WWOX: variants seen among roughly 807,000 people sequenced by gnomAD.
WWOX encodes the protein WW domain containing oxidoreductase.
WWOX carries 69 observed loss-of-function variants against 46.2 expected under a neutral mutation model. The ratio of observed to expected loss-of-function variants is 1.49; its 90% CI spans 1.23 to 1.82. The LOEUF (loss-of-function observed/expected upper bound fraction) is 1.82, where lower values mean the gene tolerates loss of function less well. Among genes scored for constraint, WWOX ranks in the 40% most tolerant of loss-of-function variants. WWOX has a pLI of 0.00. For missense variants in WWOX, 919 were observed against 542.6 expected, an observed-to-expected ratio of 1.69 and a Z score of -6.89; for synonymous variants, 359 against 202.6, an observed-to-expected ratio of 1.77 and a Z score of -6.56.
intron 8 of WWOX, among the ~76,000 whole-genome samples, chr16:78,929,009 C>T (rs1166394553): frequency 1.3e-5 from 2 of 152,160 alleles, no homozygotes; most frequent in African/African-American, 2.4e-5. Context: ...ATATAATATA[C>T]GTTCACATAT....
At chr16:78,878,584 G>A (rs149772015) in intron 8 of WWOX, among the ~76,000 whole-genome samples, 24 of 152,126 alleles carry the variant, frequency 1.6e-4, no homozygotes, top group African/African-American at 5.6e-4. Flanking sequence ...ATTTTACAGG[G>A]TTGCTATGAG....
At chr16:78,755,629 C>T (rs2049625224) in intron 8 of WWOX, among the ~76,000 whole-genome samples, 1 of 152,178 alleles carries the variant, frequency 6.6e-6, no homozygotes, top group Non-Finnish European at 1.5e-5. Context: ...TGATTTGTCA[C>T]CTGGAGGAAC....
At chr16:78,382,647 C>T (rs1485454661) in intron 5 of WWOX, among the ~76,000 whole-genome samples, 3 of 152,070 alleles carry the variant, frequency 2.0e-5, no homozygotes, top group Admixed American at 1.3e-4. Context: ...CTGAACGAGG[C>T]CTGAACTTTT....
At chr16:78,709,408 G>A (rs1017812355) in intron 8 of WWOX, among the ~76,000 whole-genome samples, 6 of 150,832 alleles carry the variant, frequency 4.0e-5, no homozygotes, top group African/African-American at 7.4e-5. Flanking sequence ...CCTGGGTAGC[G>A]GGCCCAGCCT....
At chr16:78,434,055 C>A (rs1435982269) in intron 8 of WWOX, among the ~76,000 whole-genome samples, 1 of 152,146 alleles carries the variant, frequency 6.6e-6, no homozygotes, top group African/African-American at 2.4e-5. Context: ...TCCCAAAGTG[C>A]TGGGATTACA....
chr16:79,208,529 A>G (rs1259109125), intron 8 of WWOX, among the ~76,000 whole-genome samples: 2 of 152,176 alleles, frequency 1.3e-5, no homozygotes, highest in African/African-American at 2.4e-5. Context: ...TGTTAACATT[A>G]TTTCCTTTAG....
chr16:78,425,193 T>G, intron 7 of WWOX, 138 bp downstream of exon 7: 2 of 1,170,328 alleles, frequency 1.7e-6, no homozygotes, highest in Non-Finnish European at 2.5e-6. Flanking sequence ...CTCACTTAAT[T>G]TTTCCAGGTC....
chr16:79,090,788 G>GT (rs2048944240), intron 8 of WWOX, among the ~76,000 whole-genome samples: 1 of 152,162 alleles, frequency 6.6e-6, no homozygotes, highest in South Asian at 2.1e-4. Context: ...TGCCTTGTTG[G>GT]TTTTTAGAAA....
chr16:78,830,515 C>T (rs1391339610), intron 8 of WWOX, among the ~76,000 whole-genome samples: 2 of 151,954 alleles, frequency 1.3e-5, no homozygotes, highest in African/African-American at 4.8e-5. Flanking sequence ...ACAAATTACC[C>T]ATTACCAGGG....
intron 5 of WWOX, among the ~76,000 whole-genome samples, chr16:78,386,312 G>C (rs1462733133): frequency 6.6e-6 from 1 of 152,104 alleles, no homozygotes; most frequent in Non-Finnish European, 1.5e-5. Flanking sequence ...AGTTTTCTGG[G>C]TTTACTAAGC....
chr16:78,865,460 C>T (rs140678746), intron 8 of WWOX, among the ~76,000 whole-genome samples: 1 of 152,166 alleles, frequency 6.6e-6, no homozygotes, highest in Non-Finnish European at 1.5e-5. Context: ...CTTGCTGAGG[C>T]TTTTGACAAT....
intron 8 of WWOX, among the ~76,000 whole-genome samples, chr16:79,024,573 A>G (rs1041008211): frequency 1.2e-4 from 18 of 152,080 alleles, no homozygotes; most frequent in African/African-American, 4.3e-4. Context: ...AGCTGGGACT[A>G]CAGGCACCCA....
chr16:78,707,196 C>T (rs746002801), intron 8 of WWOX, among the ~76,000 whole-genome samples: 1 of 152,138 alleles, frequency 6.6e-6, no homozygotes, highest in South Asian at 2.1e-4. Context: ...TCTTTTACCA[C>T]CCCTTACTCC....
At chr16:78,120,631 G>A (rs1050180477) in intron 4 of WWOX, among the ~76,000 whole-genome samples, 1 of 151,880 alleles carries the variant, frequency 6.6e-6, no homozygotes, top group African/African-American at 2.4e-5. Context: ...ATTATAGTGT[G>A]ATGTTGAAAT....
chr16:78,529,882 G>C (rs2043579208), intron 8 of WWOX, among the ~76,000 whole-genome samples: 1 of 152,190 alleles, frequency 6.6e-6, no homozygotes, highest in South Asian at 2.1e-4. Flanking sequence ...AAAAATAACA[G>C]GTAATGCTAA....
chr16:78,824,157 G>A lies in WWOX; in HGVS notation c.1057-387451G>A, dbSNP rs115820616. 6.9e-3 allele frequency among the ~76,000 whole-genome samples: 1,048 copies of A among 152,078 alleles called. 10 individuals are homozygous for A. The highest frequency in any genetic ancestry group is 0.024 in the African/African-American group (999 of 41,486). On this transcript the variant is annotated intron_variant, in intron 8 of 8. Coordinates refer to ENST00000566780, the MANE Select transcript of WWOX (RefSeq NM_016373.4). ...TTTAAAAATCTATTTGATTTTAAAC[G>A]ATCTTTAGAAATATATGAAGGTTAA...
chr16:78,390,852 G>A (rs746383477), intron 6 of WWOX, among the ~76,000 whole-genome samples: 6 of 152,190 alleles, frequency 3.9e-5, no homozygotes, highest in Non-Finnish European at 5.9e-5. Context: ...TCACGCTGTT[G>A]CATTGAGGAG....
intron 8 of WWOX, among the ~76,000 whole-genome samples, chr16:78,865,038 C>G (rs1234193879): frequency 6.6e-6 from 1 of 152,042 alleles, no homozygotes; most frequent in Non-Finnish European, 1.5e-5. Context: ...GCTGTGATTA[C>G]AGGCGTGAGC....
At position 79,211,985 on chromosome 16, in the gene WWOX, T is replaced by C; in HGVS notation, c.*189T>C. 1 of 1,531,792 alleles carries C rather than the reference T, an allele frequency of 6.5e-7. No individual in the cohort carries two copies. The highest frequency in any genetic ancestry group is 8.7e-7 in the Non-Finnish European group (1 of 1,145,922). The allele number at this position is 1,531,792 out of a possible 1,614,324, so 94.9% of individuals were successfully genotyped here. On this transcript the variant is annotated 3_prime_UTR_variant, in exon 9 of 9. Transcript: ENST00000566780. ...AGCAGGGAATTCCTGGGGTAAAGTA[T>C]CACTTTTCTGGGGCTGGGCTAGGCA...
Sources: allele counts gnomAD v4.1 joint callset (sites outside exome capture counted in the v4.1 genomes callset), GRCh38; gene constraint gnomAD v4.1.1; transcripts MANE v1.5; gene names NCBI Gene and HGNC (gene_info 2026-07-23, HGNC 2026-07-21).